The following NR3C1 variants were observed in gnomAD, a reference collection of about 807,000 sequenced individuals.
NR3C1 encodes nuclear receptor subfamily 3 group C member 1.
In NR3C1, 14 loss-of-function variants were observed where a neutral mutation model predicts 74.0. The ratio of observed to expected loss-of-function variants is 0.19; its 90% confidence interval spans 0.12 to 0.30. NR3C1 has a LOEUF of 0.30. Among genes scored for constraint, NR3C1 ranks in the 10% least tolerant of loss-of-function variants. The probability of loss-of-function intolerance (pLI) is 1.00; values close to 1 mark genes in which losing one functional copy is unlikely to be tolerated. For missense variants in NR3C1, 695 were observed against 909.8 expected, an observed-to-expected ratio of 0.76 and a Z score of 3.04; for synonymous variants, 308 against 332.5, an observed-to-expected ratio of 0.93 and a Z score of 0.80.
At chr5:143,406,065 T>G (rs951598108), upstream of NR3C1, among the ~76,000 whole-genome samples, 1 of 151,996 alleles carries the variant, frequency 6.6e-6, no homozygotes, top group Admixed American at 6.6e-5. Flanking sequence ...TGTACACTGC[T>G]TAAAATGATT....
chr5:143,362,964 T>C (rs1832555692), intron 2 of NR3C1, among the ~76,000 whole-genome samples: 2 of 152,294 alleles, frequency 1.3e-5, no homozygotes, highest in South Asian at 4.1e-4. Flanking sequence ...TGAGTAGGGC[T>C]GTGTATATGC....
intron 2 of NR3C1, among the ~76,000 whole-genome samples, chr5:143,351,883 G>A (rs968084977): frequency 2.6e-5 from 4 of 152,156 alleles, no homozygotes; most frequent in African/African-American, 9.7e-5. Flanking sequence ...TATACTACAA[G>A]CTAGTTGGGA....
chr5:143,421,910 T>C (rs1012078451), intron 1 of NR3C1, among the ~76,000 whole-genome samples: 3 of 152,188 alleles, frequency 2.0e-5, no homozygotes, highest in African/African-American at 2.4e-5. Context: ...AGGTATGATA[T>C]GGACGTGGTG....
At chr5:143,378,977 T>C (rs1302501725) in intron 2 of NR3C1, among the ~76,000 whole-genome samples, 1 of 152,176 alleles carries the variant, frequency 6.6e-6, no homozygotes, top group Admixed American at 6.5e-5. Flanking sequence ...TGTCTAATGT[T>C]ACACCTCTCA....
At chr5:143,302,729 A>T (rs1818767957) in intron 4 of NR3C1, among the ~76,000 whole-genome samples, 1 of 152,118 alleles carries the variant, frequency 6.6e-6, no homozygotes, top group Non-Finnish European at 1.5e-5. Context: ...TGCTGTACTG[A>T]CTAGAGCAAG....
chr5:143,409,740 C>G (rs1190734605), intron 1 of NR3C1, among the ~76,000 whole-genome samples: 2 of 152,178 alleles, frequency 1.3e-5, no homozygotes, highest in Non-Finnish European at 2.9e-5. Flanking sequence ...CACACTAGTA[C>G]AGCAAGTTCT....
chr5:143,386,657 G>A (rs1176780875), intron 2 of NR3C1, among the ~76,000 whole-genome samples: 1 of 152,184 alleles, frequency 6.6e-6, no homozygotes, highest in African/African-American at 2.4e-5. Flanking sequence ...AAGGAGACGT[G>A]ATGGAAATAA....
upstream of NR3C1, chr5:143,405,201 G>A: frequency 1.0e-6 from 1 of 985,794 alleles, no homozygotes; most frequent in South Asian, 4.7e-5. Flanking sequence ...GTTGTGCTGT[G>A]TGGGTTTAGG....
Position 143,380,399 on chromosome 5 carries a change from AT to A in NR3C1, c.1184+19256del, listed in dbSNP as rs201970821. On this transcript the variant is annotated intron_variant, in intron 2 of 8. Coordinates refer to ENST00000394464, the MANE Select transcript of NR3C1 (RefSeq NM_000176.3). ...ATTCACACTGAATCATACAAAAACC[AT>A]TTTTTTTTAAAGTCTTTATTTGAAG... Among the ~76,000 whole-genome samples, 1,422 of 151,540 alleles carry A rather than the reference AT, an allele frequency of 9.4e-3. 5 individuals are homozygous for A. Among genetic ancestry groups the A allele is most frequent in the African/African-American group, 0.019 (791 of 41,332 alleles).
At chr5:143,323,134 A>G (rs1046190857) in intron 2 of NR3C1, among the ~76,000 whole-genome samples, 1 of 152,220 alleles carries the variant, frequency 6.6e-6, no homozygotes, top group Non-Finnish European at 1.5e-5. Context: ...TGGAACGTGA[A>G]TCATCCCTTT....
At position 143,310,830 on chromosome 5, in the gene NR3C1, A is replaced by C. The variant is rs137968479; in HGVS notation, c.1352-617T>G. On this transcript the variant is annotated intron_variant, in intron 3 of 8. Transcript: ENST00000394464. ...ACGCCACCACGCCTGGCTAATTTTTATATTTTTAGTAGAGACAGGGTTTCA... is the reference window on the plus strand; with the variant it reads ...ACGCCACCACGCCTGGCTAATTTTTCTATTTTTAGTAGAGACAGGGTTTCA... Among the ~76,000 whole-genome samples, 244 of 151,792 alleles carry C rather than the reference A, an allele frequency of 1.6e-3. 1 individual carries two copies. The highest frequency in any genetic ancestry group is 5.6e-3 in the African/African-American group (233 of 41,384).
intron 2 of NR3C1, among the ~76,000 whole-genome samples, chr5:143,393,914 A>T (rs1454552073): frequency 1.3e-5 from 2 of 152,084 alleles, no homozygotes; most frequent in African/African-American, 4.8e-5. Flanking sequence ...TTTGCAACAA[A>T]CTATGTCTTA....
intron 2 of NR3C1, among the ~76,000 whole-genome samples, chr5:143,344,090 A>T (rs890116613): frequency 6.6e-6 from 1 of 152,136 alleles, no homozygotes; most frequent in Non-Finnish European, 1.5e-5. Context: ...CCTTTAAGTT[A>T]TTTAACTATG....
At chr5:143,402,779 CGG>C (rs1840567482) in intron 1 of NR3C1, 2 of 985,294 alleles carry the variant, frequency 2.0e-6, no homozygotes, top group Non-Finnish European at 2.4e-6. Flanking sequence ...TCGGGCGCGC[CGG>C]GGTGGCGTGC....
chr5:143,432,060 T>G (rs1663580206), intron 1 of NR3C1, among the ~76,000 whole-genome samples: 2 of 152,108 alleles, frequency 1.3e-5, no homozygotes, highest in Non-Finnish European at 1.5e-5. Context: ...ACTATCAGGG[T>G]TGGTGGTAAA....
At chr5:143,322,106 C>T (rs1319813636) in intron 2 of NR3C1, among the ~76,000 whole-genome samples, 2 of 152,200 alleles carry the variant, frequency 1.3e-5, no homozygotes, top group Non-Finnish European at 2.9e-5. Context: ...TTACTTGGCA[C>T]TATTATGCAA....
intron 1 of NR3C1, chr5:143,402,576 A>G (rs1840499305): frequency 3.0e-6 from 3 of 984,422 alleles, no homozygotes; most frequent in Non-Finnish European, 3.6e-6. Flanking sequence ...AAAAAGTGCG[A>G]GGTTAAAAGA....
rs1439282027 is a variant in NR3C1, at chr5:143,310,153, T to C, written c.1412A>G (p.Lys471Arg). The stretch of plus-strand genomic sequence containing the variant: ...TCGATAGCGGCATGCTGGGCAGTTT[T>C]TTCTTCGAATTTTATCGATGATGCA... ...NDCIIDKIRR[K>R]NCPACRYRKC... Residue 471 changes from lysine to arginine, a missense_variant, in exon 4 of 9, where the codon AAA becomes AGA. By Grantham distance (26) the Lys-to-Arg change is conservative. Coordinates refer to ENST00000394464, the MANE Select transcript of NR3C1 (RefSeq NM_000176.3). The C allele has an allele frequency of 1.9e-6, 3 of 1,614,136 alleles. No individual in the cohort carries two copies. The highest frequency in any genetic ancestry group is 2.5e-6 in the Non-Finnish European group (3 of 1,179,998).
At chr5:143,299,001 TTGTG>T (rs1226185254) in intron 5 of NR3C1, among the ~76,000 whole-genome samples, 189 bp from the exon 6 acceptor site, 1 of 141,096 alleles carries the variant, frequency 7.1e-6, no homozygotes, top group African/African-American at 2.6e-5. Context: ...ACAAACCCTC[TTGTG>T]TTTTTTTTTT....
Sources: allele counts gnomAD v4.1 joint callset (sites outside exome capture counted in the v4.1 genomes callset), GRCh38; gene constraint gnomAD v4.1.1; transcripts MANE v1.5; gene names NCBI Gene and HGNC (gene_info 2026-07-23, HGNC 2026-07-21).